The following NAA35 variants were observed in gnomAD, a reference collection of about 807,000 sequenced individuals.
NAA35 encodes the protein MAK10 homolog, amino-acid N-acetyltransferase subunit.
Under a neutral mutation model 101.7 loss-of-function variants are expected in NAA35, and 18 were observed. That is an observed-to-expected ratio of 0.18 (90% CI 0.12 to 0.26). The LOEUF is 0.26. NAA35 is among the 10% of genes least tolerant of loss of function. The probability of loss-of-function intolerance (pLI) is 1.00; values close to 1 mark genes in which losing one functional copy is unlikely to be tolerated. For missense variants in NAA35, 601 were observed against 886.8 expected, an observed-to-expected ratio of 0.68 and a Z score of 4.09; for synonymous variants, 267 against 273.1, an observed-to-expected ratio of 0.98 and a Z score of 0.22.
intron 12 of NAA35, among the ~76,000 whole-genome samples, chr9:85,998,016 G>A (rs1831249424): frequency 6.6e-6 from 1 of 152,040 alleles, no homozygotes; most frequent in Non-Finnish European, 1.5e-5. Flanking sequence ...CCAGGTTCAC[G>A]CCATTCTCCT....
Position 86,022,124 on chromosome 9 carries a change from G to A in NAA35, c.*164G>A, listed in dbSNP as rs985205987. 3 of 559,098 alleles carry A rather than the reference G, an allele frequency of 5.4e-6. No individual in the cohort carries two copies. Among genetic ancestry groups the A allele is most frequent in the Non-Finnish European group, 9.4e-6 (3 of 320,646 alleles). The allele number at this position is 559,098 out of a possible 1,614,324, so 34.6% of individuals were successfully genotyped here. A position where few individuals can be genotyped will look rare whatever the true frequency, so the allele number is the denominator to read the frequency against. On this transcript the variant is annotated 3_prime_UTR_variant, in exon 23 of 23. Transcript: ENST00000361671. ...TTTGACAGCCTTATATGACATGAAT[G>A]AAAACTGCTGTTTTAAAGTGGTTTA...
At chr9:86,005,452 C>G (rs551790179) in intron 13 of NAA35, among the ~76,000 whole-genome samples, 2 of 152,270 alleles carry the variant, frequency 1.3e-5, no homozygotes, top group South Asian at 4.1e-4. Context: ...CCACTTCGCT[C>G]TTACTGAACA....
intron 11 of NAA35, 60 bp from the exon 12 acceptor site, chr9:85,996,338 AT>A: frequency 1.8e-6 from 2 of 1,122,004 alleles, no homozygotes; most frequent in Non-Finnish European, 2.6e-6. Flanking sequence ...ATTTAATAAC[AT>A]TTGCAGTTTA....
intron 12 of NAA35, among the ~76,000 whole-genome samples, chr9:85,997,097 C>T (rs1338774963): frequency 1.3e-5 from 2 of 151,852 alleles, no homozygotes; most frequent in Admixed American, 6.6e-5. Context: ...GGACCACAGG[C>T]GTGTGCCACC....
chr9:85,962,107 C>T lies in NAA35; in HGVS notation c.443C>T (p.Ala148Val). ...PDFIEDPAMK[A>V]FALGILKICD... is the part of the protein sequence containing the mutation. ...TTTATAGAAGATCCTGCTATGAAGG[C>T]TTTTGCTCTGGGAATCTTGAAAATC... Residue 148 changes from alanine (A) to valine (V), a missense_variant, in exon 6 of 23, where the codon GCT (alanine) becomes GTT (valine). Transcript: ENST00000361671. The T allele has an allele frequency of 6.2e-7, 1 of 1,614,066 alleles. No individual in the cohort carries two copies. Among genetic ancestry groups the T allele is most frequent in the Non-Finnish European group, 8.5e-7 (1 of 1,179,994 alleles).
At chr9:85,967,032 G>A (rs565185433) in intron 6 of NAA35, among the ~76,000 whole-genome samples, 2 of 151,630 alleles carry the variant, frequency 1.3e-5, no homozygotes, top group Non-Finnish European at 2.9e-5. Flanking sequence ...GCTTGAACCC[G>A]GGAGGCTGAG....
chr9:85,964,700 T>C (rs1330259825), intron 6 of NAA35, among the ~76,000 whole-genome samples: 3 of 152,242 alleles, frequency 2.0e-5, no homozygotes, highest in Admixed American at 1.3e-4. Context: ...ATCTGTTCTT[T>C]CCTTACGATT....
At position 85,968,189 on chromosome 9, in the gene NAA35, T is replaced by TTC. The variant is rs551663893; in HGVS notation, c.516+6011_516+6012dup. 1.1e-4 allele frequency among the ~76,000 whole-genome samples: 16 copies of TTC among 152,308 alleles called. No individual in the cohort carries two copies. In the South Asian group the frequency reaches 1.7e-3, roughly 16 times the overall value. On this transcript the variant is annotated intron_variant, in intron 6 of 22. Coordinates refer to ENST00000361671, the MANE Select transcript of NAA35 (RefSeq NM_024635.4). ...GAACTCTTCTCTCTGGTCCAGTATT[T>TTC]TCTTTCTAGTTCATTCTCCATGTGA...
At position 86,010,778 on chromosome 9, in the gene NAA35, C is replaced by T. The variant is rs967164991; in HGVS notation, c.1290+847C>T. Among the ~76,000 whole-genome samples the T allele has an allele frequency of 2.7e-5, 4 of 150,326 alleles. No homozygotes were observed. The South Asian group carries it at 8.5e-4, about 32-fold the overall frequency. On this transcript the variant is annotated intron_variant, in intron 15 of 22. Transcript: ENST00000361671. Reference sequence around the variant, plus strand: ...TATTTTTAGTAGAGACGGGGTTTCACGTGTTAGCTAGGATGGTCTCGATCT... The same window carrying T: ...TATTTTTAGTAGAGACGGGGTTTCATGTGTTAGCTAGGATGGTCTCGATCT...
chr9:85,950,375 A>G (rs1054532155), intron 2 of NAA35, among the ~76,000 whole-genome samples: 11 of 152,098 alleles, frequency 7.2e-5, no homozygotes, highest in African/African-American at 2.7e-4. Flanking sequence ...CCTCCCAAGT[A>G]GTTGGGATTA....
chr9:85,979,716 CTG>C (rs1397545539), intron 11 of NAA35, among the ~76,000 whole-genome samples: 4 of 152,182 alleles, frequency 2.6e-5, no homozygotes, highest in Admixed American at 6.5e-5. Flanking sequence ...AGATTTCACT[CTG>C]TATTTTTCCT....
intron 6 of NAA35, among the ~76,000 whole-genome samples, chr9:85,972,114 A>G (rs923206446): frequency 6.6e-6 from 1 of 152,176 alleles, no homozygotes; most frequent in Non-Finnish European, 1.5e-5. Context: ...TCTTCCAGAA[A>G]GTTTTCCTAA....
At chr9:85,979,076 G>T (rs1436013196) in intron 11 of NAA35, among the ~76,000 whole-genome samples, 1 of 152,158 alleles carries the variant, frequency 6.6e-6, no homozygotes, top group African/African-American at 2.4e-5. Context: ...TGTTAGAAAT[G>T]ATTGTTCCCC....
intron 12 of NAA35, among the ~76,000 whole-genome samples, chr9:86,002,435 A>G (rs1564318666): frequency 2.0e-5 from 3 of 152,216 alleles, no homozygotes. Context: ...TTCACGAACA[A>G]TACCCAGAAA....
chr9:85,970,688 T>C (rs887883905), intron 6 of NAA35, among the ~76,000 whole-genome samples: 1 of 152,186 alleles, frequency 6.6e-6, no homozygotes, highest in African/African-American at 2.4e-5. Context: ...CTATTCAAAA[T>C]ATACTATTTT....
intron 13 of NAA35, among the ~76,000 whole-genome samples, chr9:86,005,515 A>T (rs1831594191): frequency 6.6e-6 from 1 of 152,238 alleles, no homozygotes; most frequent in African/African-American, 2.4e-5. Context: ...AATGGCACAC[A>T]GATTTGGAAA....
At chr9:86,016,445 A>T in intron 17 of NAA35, 94 bp from the exon 18 acceptor site, 2 of 1,083,222 alleles carry the variant, frequency 1.8e-6, no homozygotes, top group Non-Finnish European at 2.7e-6. Context: ...TAAAGACCTA[A>T]AGCATTATTT....
chr9:86,025,146 T>C lies in NAA35; in HGVS notation c.*3186T>C, dbSNP rs1486306842. ...AGTTCAGGAGAGGTGGGTGTTTTCC[T>C]TGTTCCTCTTTGGCTATGCTCTGGG... On this transcript the variant is annotated 3_prime_UTR_variant, in exon 23 of 23. Transcript: ENST00000361671. Among the ~76,000 whole-genome samples the C allele has an allele frequency of 6.6e-6, 1 of 152,204 alleles. No individual in the cohort carries two copies. The highest frequency in any genetic ancestry group is 2.4e-5 in the African/African-American group (1 of 41,452).
chr9:86,012,223 A>G (rs906771558), intron 15 of NAA35, among the ~76,000 whole-genome samples: 1 of 151,402 alleles, frequency 6.6e-6, no homozygotes. Context: ...AGGTTCAAGA[A>G]GTTCTCTGCC....
Sources: gnomAD v4.1 joint callset for allele counts (sites outside exome capture counted in the v4.1 genomes callset) on GRCh38, gnomAD v4.1.1 for gene constraint, MANE v1.5 for transcripts, NCBI Gene and HGNC (gene_info 2026-07-23, HGNC 2026-07-21) for gene names.